ATOX1: variants seen among roughly 807,000 people sequenced by gnomAD.
ATOX1 encodes the protein copper transport protein ATOX1.
Under a neutral mutation model 7.3 loss-of-function variants are expected in ATOX1, and 4 were observed. The observed-to-expected ratio is 0.55, with a 90% CI of 0.27 to 1.25. ATOX1 has a LOEUF of 1.25. ATOX1 is among the 50% of genes most tolerant of loss of function. The pLI is 0.12. For missense variants in ATOX1, 68 were observed against 81.6 expected (o/e 0.83, Z 0.64); for synonymous variants, 25 against 28.7 (o/e 0.87, Z 0.41).
intron 1 of ATOX1, among the ~76,000 whole-genome samples, chr5:151,755,127 G>A (rs370219722): frequency 5.9e-5 from 9 of 151,918 alleles, no homozygotes; most frequent in African/African-American, 1.2e-4. Flanking sequence ...TATCGGTGCC[G>A]TGTAAAAAAA....
chr5:151,750,574 A>G (rs1027749549), intron 2 of ATOX1, among the ~76,000 whole-genome samples: 1 of 149,968 alleles, frequency 6.7e-6, no homozygotes, highest in Non-Finnish European at 1.5e-5. Context: ...TTTTTTTTGA[A>G]GTAAAGAAAC....
At chr5:151,744,422 ATAGT>A (rs1433399321) in intron 3 of ATOX1, 1 of 152,246 alleles carries the variant, frequency 6.6e-6, no homozygotes, top group African/African-American at 2.4e-5. Flanking sequence ...ATGGGTTAAA[ATAGT>A]TATTATGTCT....
chr5:151,754,915 G>A (rs1353868024), intron 1 of ATOX1, among the ~76,000 whole-genome samples: 1 of 150,812 alleles, frequency 6.6e-6, no homozygotes, highest in Non-Finnish European at 1.5e-5. Flanking sequence ...CCCAGGAGGC[G>A]GAGGTTGCAG....
intron 3 of ATOX1, 88 bp downstream of exon 3, chr5:151,746,191 C>G: frequency 8.0e-7 from 1 of 1,255,596 alleles, no homozygotes. Flanking sequence ...CTCTCCCGCT[C>G]CACTCAAGCT....
chr5:151,744,213 T>A (rs1761854561), intron 3 of ATOX1: 1 of 151,960 alleles, frequency 6.6e-6, no homozygotes, highest in Non-Finnish European at 1.5e-5. Flanking sequence ...GATGAAAAAA[T>A]TTTGAAACTA....
chr5:151,743,676 C>T (rs1199837470), intron 3 of ATOX1: 2 of 152,144 alleles, frequency 1.3e-5, no homozygotes, highest in Non-Finnish European at 2.9e-5. Flanking sequence ...TGTTTCATCA[C>T]CCAGATGAAA....
In ATOX1 at chr5:151,758,583, G is replaced by T; in HGVS notation, c.-32C>A. On this transcript the variant is annotated 5_prime_UTR_variant, in exon 1 of 4. Transcript: ENST00000313115. ...GGCAGCGGCGGTGTGGCGGCGGTGT[G>T]GCGGCGGTGTCAGCAGCGCCTCTCT... is the stretch of plus-strand genomic sequence containing the variant. 1 of 1,417,226 alleles carries T rather than the reference G, an allele frequency of 7.1e-7. No individual in the cohort carries two copies. Among genetic ancestry groups the T allele is most frequent in the Non-Finnish European group, 9.3e-7 (1 of 1,079,992 alleles). The allele number at this position is 1,417,226 out of a possible 1,614,324, so 87.8% of individuals were successfully genotyped here.
Position 151,758,589 on chromosome 5 carries a change from G to A in ATOX1, c.-38C>T, listed in dbSNP as rs1480405659. On this transcript the variant is annotated 5_prime_UTR_variant, in exon 1 of 4. Transcript: ENST00000313115. ...GGCGGTGTGGCGGCGGTGTGGCGGC[G>A]GTGTCAGCAGCGCCTCTCTGGATTC... 4.3e-6 allele frequency: 6 copies of A among 1,409,758 alleles called. No individual in the cohort carries two copies. The highest frequency in any genetic ancestry group is 3.1e-5 in the South Asian group (2 of 63,636). 87.3% of individuals were successfully genotyped at this position (1,409,758 alleles called of 1,614,324 possible). A position where few individuals can be genotyped will look rare whatever the true frequency, so the allele number is the denominator to read the frequency against.
Position 151,751,635 on chromosome 5 carries a change from T to G in ATOX1, c.82+69A>C, listed in dbSNP as rs549806116. The G allele has an allele frequency of 2.0e-6, 3 of 1,498,830 alleles. No individual in the cohort carries two copies. The African/African-American group carries it at 4.2e-5, about 21-fold the overall frequency. 92.8% of individuals were successfully genotyped at this position (1,498,830 alleles called of 1,614,324 possible). On this transcript the variant is annotated intron_variant, in intron 2 of 3. Transcript: ENST00000313115. ...CTGTTATGATCAGCTTAACCCTAAG[T>G]CTCTCCTGCAACATCTGCATGCATC... is the stretch of plus-strand genomic sequence containing the variant.
chr5:151,750,072 G>A (rs1344019578), intron 2 of ATOX1, among the ~76,000 whole-genome samples: 2 of 152,208 alleles, frequency 1.3e-5, no homozygotes, highest in Non-Finnish European at 2.9e-5. Context: ...GATAGTTCAT[G>A]TGGAAGAAAA....
At position 151,758,560 on chromosome 5, in the gene ATOX1, C is replaced by CGGCGGCGGTGT. The variant is rs746409150; in HGVS notation, c.-10_-9insACACCGCCGCC. On this transcript the variant is annotated 5_prime_UTR_variant, in exon 1 of 4. Transcript: ENST00000313115. ...CAACCACTCACCGGCATGACTGAGG[C>CGGCGGCGGTGT]AGCGGCGGTGTGGCGGCGGTGTGGC... 1.1e-5 allele frequency: 15 copies of CGGCGGCGGTGT among 1,428,310 alleles called. No individual in the cohort carries two copies. The highest frequency in any genetic ancestry group is 1.9e-4 in the Middle Eastern group (1 of 5,306). The allele number at this position is 1,428,310 out of a possible 1,614,324, so 88.5% of individuals were successfully genotyped here.
intron 1 of ATOX1, chr5:151,752,364 G>C (rs1252665215): frequency 1.3e-5 from 9 of 697,952 alleles, no homozygotes; most frequent in Non-Finnish European, 2.3e-5. Context: ...GGGAAAGAAA[G>C]GATTGCCTGG....
chr5:151,756,617 C>T (rs986223998), intron 1 of ATOX1, among the ~76,000 whole-genome samples: 1 of 152,080 alleles, frequency 6.6e-6, no homozygotes, highest in East Asian at 1.9e-4. Flanking sequence ...GGACTATAGG[C>T]ACGGGCCACC....
chr5:151,753,460 C>T (rs1012917806), intron 1 of ATOX1, among the ~76,000 whole-genome samples: 4 of 152,180 alleles, frequency 2.6e-5, no homozygotes, highest in African/African-American at 9.7e-5. Context: ...TTAATTTCTT[C>T]CATTTGTCTC....
intron 3 of ATOX1, chr5:151,743,327 T>C (rs889119597): frequency 6.6e-6 from 1 of 152,244 alleles, no homozygotes; most frequent in Non-Finnish European, 1.5e-5. Flanking sequence ...AACAAAATCA[T>C]GGCAAATAAA....
At chr5:151,746,493 C>A (rs774691856) in intron 2 of ATOX1, 44 bp from the exon 3 acceptor site, 9 of 1,610,166 alleles carry the variant, frequency 5.6e-6, no homozygotes, top group Non-Finnish European at 7.6e-6. Context: ...AAGCACAGAC[C>A]CTCCCAGTTA....
chr5:151,756,157 T>C (rs920691948), intron 1 of ATOX1, among the ~76,000 whole-genome samples: 1 of 152,042 alleles, frequency 6.6e-6, no homozygotes, highest in African/African-American at 2.4e-5. Flanking sequence ...TTGGCCAGGC[T>C]GGTCTCAAAG....
At chr5:151,754,470 A>G (rs1053111481) in intron 1 of ATOX1, among the ~76,000 whole-genome samples, 1 of 152,040 alleles carries the variant, frequency 6.6e-6, no homozygotes, top group African/African-American at 2.4e-5. Context: ...AAAATTAGCC[A>G]GGCATGGTGG....
intron 2 of ATOX1, among the ~76,000 whole-genome samples, chr5:151,750,615 CTTT>C (rs1220270358): frequency 6.9e-6 from 1 of 144,004 alleles, no homozygotes; most frequent in Non-Finnish European, 1.5e-5. Context: ...AAATTTTTAC[CTTT>C]TTTTAAATCT....
Sources: allele counts gnomAD v4.1 joint callset (sites outside exome capture counted in the v4.1 genomes callset), GRCh38; gene constraint gnomAD v4.1.1; transcripts MANE v1.5; gene names NCBI Gene and HGNC (gene_info 2026-07-23, HGNC 2026-07-21).